KIRREL3: variants seen among roughly 807,000 people sequenced by gnomAD.
KIRREL3 encodes the protein kin of IRRE-like protein 3.
Under a neutral mutation model 89.7 loss-of-function variants are expected in KIRREL3, and 36 were observed. That is an observed-to-expected ratio of 0.40 (90% CI 0.31 to 0.53). The LOEUF (loss-of-function observed/expected upper bound fraction) is 0.53, where lower values mean the gene tolerates loss of function less well. Among genes scored for constraint, KIRREL3 ranks in the 20% least tolerant of loss-of-function variants. The probability of loss-of-function intolerance (pLI) is 0.49; values close to 1 mark genes in which losing one functional copy is unlikely to be tolerated. For missense variants in KIRREL3, 864 were observed against 1,056.6 expected, an observed-to-expected ratio of 0.82 and a Z score of 2.53; for synonymous variants, 445 against 441.4, an observed-to-expected ratio of 1.01 and a Z score of -0.10.
At chr11:126,961,567 T>C (rs1401134255) in intron 1 of KIRREL3, among the ~76,000 whole-genome samples, 1 of 152,212 alleles carries the variant, frequency 6.6e-6, no homozygotes, top group Non-Finnish European at 1.5e-5. Context: ...ACAGGTTGGC[T>C]CATGAGGTTT....
chr11:126,937,695 C>G (rs568988844), intron 1 of KIRREL3, among the ~76,000 whole-genome samples: 2 of 151,872 alleles, frequency 1.3e-5, no homozygotes, highest in Non-Finnish European at 2.9e-5. Context: ...GTCAGGAGAT[C>G]AAGACCATCC....
At position 126,623,808 on chromosome 11, in the gene KIRREL3, C is replaced by G. The variant is rs1309464860; in HGVS notation, c.56-60896G>C. Among the ~76,000 whole-genome samples, 4 of 152,184 alleles carry G rather than the reference C, an allele frequency of 2.6e-5. No homozygotes were observed. Among genetic ancestry groups the G allele is most frequent in the Non-Finnish European group, 4.4e-5 (3 of 68,030 alleles). ...TCAAGAAAATAAACAAACCAACTTA[C>G]AGAAAACCCCTTTCCCTGTGTTGAG... On this transcript the variant is annotated intron_variant, in intron 1 of 16. Transcript: ENST00000525144. This position sits in a 1 kb window ranked among gnomAD's most constrained non-coding sequence, Gnocchi z 4.1.
At position 126,647,716 on chromosome 11, in the gene KIRREL3, C is replaced by G. The variant is rs184321330; in HGVS notation, c.56-84804G>C. On this transcript the variant is annotated intron_variant, in intron 1 of 16. Coordinates refer to ENST00000525144, the MANE Select transcript of KIRREL3 (RefSeq NM_032531.4). This position sits in a 1 kb window ranked among gnomAD's most constrained non-coding sequence, Gnocchi z 4.9. ...GCGGCCAGAGCCTCCTAATTGGTCTCGCAGCTTCCATCCTTGTCTTCTGCT... is the reference window on the plus strand; with the variant it reads ...GCGGCCAGAGCCTCCTAATTGGTCTGGCAGCTTCCATCCTTGTCTTCTGCT... Among the ~76,000 whole-genome samples, 1 of 152,194 alleles carries G rather than the reference C, an allele frequency of 6.6e-6. No individual in the cohort carries two copies. The highest frequency in any genetic ancestry group is 2.4e-5 in the African/African-American group (1 of 41,450).
chr11:126,669,967 G>T lies in KIRREL3; in HGVS notation c.56-107055C>A, dbSNP rs949061860. 3.3e-5 allele frequency among the ~76,000 whole-genome samples: 5 copies of T among 152,220 alleles called. No homozygotes were observed. The South Asian group carries it at 8.3e-4, about 25-fold the overall frequency. ...AGTGCATTGCAGCACCATCCACCCC[G>T]TTGCTCAAGCTCATGCCTCAGTCTC... On this transcript the variant is annotated intron_variant, in intron 1 of 16. Transcript: ENST00000525144. The surrounding 1 kb of genome is among the most constrained non-coding windows in gnomAD (Gnocchi z 5.0).
intron 1 of KIRREL3, among the ~76,000 whole-genome samples, chr11:126,862,602 G>A (rs1052645885): frequency 6.6e-6 from 1 of 152,210 alleles, no homozygotes; most frequent in Non-Finnish European, 1.5e-5. Flanking sequence ...GATGAATGAA[G>A]AGGTTCACTG....
chr11:126,758,819 T>C (rs1176978724), intron 1 of KIRREL3, among the ~76,000 whole-genome samples: 1 of 152,244 alleles, frequency 6.6e-6, no homozygotes, highest in East Asian at 1.9e-4. Context: ...ACTGCTTCCG[T>C]AGCAGAAAAA....
chr11:126,511,302 C>T (rs112772102), intron 4 of KIRREL3, among the ~76,000 whole-genome samples: 3,391 of 149,478 alleles, frequency 0.023, 149 homozygotes, highest in African/African-American at 0.079. Context: ...CCAGGTTGGG[C>T]GACAGAGGGA....
rs982815147 is a variant in KIRREL3 at position 126,764,323 on chromosome 11, G to C, written c.56-201411C>G. 6.6e-6 allele frequency among the ~76,000 whole-genome samples: 1 copy of C among 151,988 alleles called. No individual in the cohort carries two copies. Among genetic ancestry groups the C allele is most frequent in the Admixed American group, 6.6e-5 (1 of 15,262 alleles). The stretch of plus-strand genomic sequence containing the variant: ...CCTGCCTCTTGCCACCTCTTTCTTA[G>C]CTAGATACAGATGGAAAAAAAAAAT... On this transcript the variant is annotated intron_variant, in intron 1 of 16. Transcript: ENST00000525144. This position sits in a 1 kb window ranked among gnomAD's most constrained non-coding sequence, Gnocchi z 4.2.
chr11:126,975,906 TCCTCCCTCCCTTCCTCCCTCCCTC>T (rs1949556243), intron 1 of KIRREL3, among the ~76,000 whole-genome samples: 1 of 56,328 alleles, frequency 1.8e-5, no homozygotes, highest in Non-Finnish European at 3.3e-5. Flanking sequence ...CTCCCTCCCT[TCCTCCCTCCCTTCCTCCCTCCCTC>T]CCTCCCTCCC....
At chr11:126,438,195 C>T (rs117291869) in intron 11 of KIRREL3, among the ~76,000 whole-genome samples, 4,027 of 152,312 alleles carry the variant, frequency 0.026, 88 homozygotes, top group Non-Finnish European at 0.038. Context: ...GCCCCATGAA[C>T]GCGTCTACCT....
At position 126,909,382 on chromosome 11, in the gene KIRREL3, C is replaced by T. The variant is rs908590397; in HGVS notation, c.55+91073G>A. On this transcript the variant is annotated intron_variant, in intron 1 of 16. Coordinates refer to ENST00000525144, the MANE Select transcript of KIRREL3 (RefSeq NM_032531.4). This position sits in a 1 kb window ranked among gnomAD's most constrained non-coding sequence, Gnocchi z 4.5. ...AGAGCAAGGACGCATTGCACTCATC[C>T]TTGCATATCTGTAGCTCCACCTCAG... Among the ~76,000 whole-genome samples, 7 of 152,210 alleles carry T rather than the reference C, an allele frequency of 4.6e-5. No homozygotes were observed. The highest frequency in any genetic ancestry group is 5.9e-5 in the Non-Finnish European group (4 of 68,024).
intron 1 of KIRREL3, among the ~76,000 whole-genome samples, chr11:126,938,501 G>A (rs1449828335): frequency 6.6e-6 from 1 of 152,206 alleles, no homozygotes; most frequent in Non-Finnish European, 1.5e-5. Flanking sequence ...TTCTAAACTG[G>A]CATGTGTCTT....
At chr11:126,631,942 G>C (rs1381443319) in intron 1 of KIRREL3, among the ~76,000 whole-genome samples, 1 of 152,110 alleles carries the variant, frequency 6.6e-6, no homozygotes, top group Non-Finnish European at 1.5e-5. Flanking sequence ...GAGCCATTTA[G>C]GGGGAAAGGA....
At chr11:126,956,835 G>T (rs1948936327) in intron 1 of KIRREL3, among the ~76,000 whole-genome samples, 1 of 152,126 alleles carries the variant, frequency 6.6e-6, no homozygotes. Flanking sequence ...TCCTTGCCAA[G>T]GATCTACAAG....
chr11:126,871,246 A>T (rs890581276), intron 1 of KIRREL3, among the ~76,000 whole-genome samples: 1 of 152,022 alleles, frequency 6.6e-6, no homozygotes. Context: ...ACTCCCCCTC[A>T]CCGCTCATAA....
intron 1 of KIRREL3, chr11:126,934,876 C>T (rs12419955): frequency 0.019 from 2,955 of 152,150 alleles, 107 homozygotes; most frequent in East Asian, 0.14. Context: ...CTGGCTAACG[C>T]GGTGAAACCC....
chr11:126,674,790 A>C (rs1160043697), intron 1 of KIRREL3, among the ~76,000 whole-genome samples: 1 of 152,200 alleles, frequency 6.6e-6, no homozygotes, highest in African/African-American at 2.4e-5. Flanking sequence ...GATTCTAAGA[A>C]TCTGATGTGC....
intron 1 of KIRREL3, among the ~76,000 whole-genome samples, chr11:126,598,803 C>T (rs1942513654): frequency 6.6e-6 from 1 of 152,212 alleles, no homozygotes; most frequent in Non-Finnish European, 1.5e-5. Flanking sequence ...GCTTCGGTTT[C>T]CTTACCTCTG....
At chr11:126,865,884 C>T (rs1387551949) in intron 1 of KIRREL3, among the ~76,000 whole-genome samples, 2 of 151,412 alleles carry the variant, frequency 1.3e-5, no homozygotes, top group Non-Finnish European at 2.9e-5. Context: ...TTAATTTTAA[C>T]TTTGTTTTTC....
Sources: gnomAD v4.1 joint callset for allele counts (sites outside exome capture counted in the v4.1 genomes callset) on GRCh38, gnomAD v4.1.1 for gene constraint, Gnocchi (gnomAD v3.1) non-coding constraint, MANE v1.5 for transcripts, NCBI Gene and HGNC (gene_info 2026-07-23, HGNC 2026-07-21) for gene names.